Variants in AP4E1 observed in about 807,000 individuals in gnomAD.
AP4E1 encodes adaptor related protein complex 4 subunit epsilon 1.
Under a neutral mutation model 128.2 loss-of-function variants are expected in AP4E1, and 56 were observed. The observed-to-expected ratio is 0.44, with a 90% CI of 0.35 to 0.55. The LOEUF is 0.55. Among genes scored for constraint, AP4E1 ranks in the 20% least tolerant of loss-of-function variants. The probability of loss-of-function intolerance (pLI) is 0.00; values close to 1 mark genes in which losing one functional copy is unlikely to be tolerated. For missense variants in AP4E1, 1,324 were observed against 1,307.7 expected (o/e 1.01, Z -0.19); for synonymous variants, 484 against 473.1 (o/e 1.02, Z -0.30).
At chr15:50,976,747 G>A (rs2064557164) in intron 15 of AP4E1, among the ~76,000 whole-genome samples, 1 of 152,160 alleles carries the variant, frequency 6.6e-6, no homozygotes, top group Admixed American at 6.5e-5. Flanking sequence ...ATGTGACAAG[G>A]TTATTAGGAA....
In AP4E1 at chr15:51,003,977, C is replaced by G. The variant is rs544761680; in HGVS notation, c.*1315C>G. On this transcript the variant is annotated 3_prime_UTR_variant, in exon 21 of 21. Coordinates refer to ENST00000261842, the MANE Select transcript of AP4E1 (RefSeq NM_007347.5). Reference sequence around the variant, plus strand: ...AATAGATTTCATTAGTCATTTGTGTCGAGTATTCCTCCCTAAAAACAAAAG... The same window carrying G: ...AATAGATTTCATTAGTCATTTGTGTGGAGTATTCCTCCCTAAAAACAAAAG... 3.9e-5 allele frequency: 6 copies of G among 152,314 alleles called. No homozygotes were observed. The South Asian group carries it at 8.3e-4, about 21-fold the overall frequency. The allele number at this position is 152,314 out of a possible 1,614,324, so 9.4% of individuals were successfully genotyped here. A position where few individuals can be genotyped will look rare whatever the true frequency, so the allele number is the denominator to read the frequency against.
At chr15:50,992,823 G>A (rs1213523391) in intron 16 of AP4E1, among the ~76,000 whole-genome samples, 1 of 152,130 alleles carries the variant, frequency 6.6e-6, no homozygotes, top group Non-Finnish European at 1.5e-5. Flanking sequence ...GTAAATTTAT[G>A]GGGAGCATGT....
At chr15:50,913,458 G>C (rs749677681) in intron 2 of AP4E1, among the ~76,000 whole-genome samples, 3 of 152,258 alleles carry the variant, frequency 2.0e-5, no homozygotes, top group Non-Finnish European at 2.9e-5. Flanking sequence ...GGAAGGCAGA[G>C]TTTGAAAGGA....
Position 50,949,885 on chromosome 15 carries a change from G to C in AP4E1, c.1376G>C (p.Gly459Ala), listed in dbSNP as rs1172773775. 1.9e-6 allele frequency: 3 copies of C among 1,613,826 alleles called. 1 individual carries two copies. The South Asian group carries it at 3.3e-5, about 18-fold the overall frequency. ...QTMNAVFSVG[G>A]DVMHPDIPNN... ...ATGAATGCTGTGTTTTCAGTAGGAGGAGATGTAATGCATCCTGATATTCCC... is the reference window on the plus strand; with the variant it reads ...ATGAATGCTGTGTTTTCAGTAGGAGCAGATGTAATGCATCCTGATATTCCC... Residue 459 changes from glycine (G) to alanine (A), a missense_variant, in exon 12 of 21, where the codon GGA becomes GCA. Gly to Ala is a moderately conservative substitution (Grantham distance 60). Coordinates refer to ENST00000261842, the MANE Select transcript of AP4E1 (RefSeq NM_007347.5).
At chr15:50,995,811 A>G (rs2064861189) in intron 17 of AP4E1, among the ~76,000 whole-genome samples, 2 of 151,752 alleles carry the variant, frequency 1.3e-5, no homozygotes, top group African/African-American at 2.4e-5. Context: ...ATAATAACAG[A>G]TTGACAATGC....
intron 10 of AP4E1, among the ~76,000 whole-genome samples, chr15:50,943,018 A>G (rs1159545322): frequency 1.3e-5 from 2 of 152,196 alleles, no homozygotes; most frequent in East Asian, 3.9e-4. Context: ...CTGGGTAGGT[A>G]GTTTTTCAAC....
rs980685518 is a variant in AP4E1, at chr15:51,004,496, G to C, written c.*1834G>C. 2.6e-5 allele frequency: 4 copies of C among 152,332 alleles called. No homozygotes were observed. The highest frequency in any genetic ancestry group is 5.9e-5 in the Non-Finnish European group (4 of 68,054). 9.4% of individuals were successfully genotyped at this position (152,332 alleles called of 1,614,324 possible). ...AGCTACCAGGGAGATCTGTTGCTTG[G>C]TTACAGGGTGTATTCATGAGTGGTA... is the stretch of plus-strand genomic sequence containing the variant. On this transcript the variant is annotated 3_prime_UTR_variant, in exon 21 of 21. Coordinates refer to ENST00000261842, the MANE Select transcript of AP4E1 (RefSeq NM_007347.5).
intron 5 of AP4E1, among the ~76,000 whole-genome samples, chr15:50,928,450 G>A (rs930447970): frequency 2.6e-5 from 4 of 152,032 alleles, no homozygotes; most frequent in African/African-American, 9.7e-5. Flanking sequence ...ACCACACCTG[G>A]CTAATTTTTG....
At chr15:50,997,304 T>C (rs1469976161) in intron 17 of AP4E1, 22 bp from the exon 18 acceptor site, 14 of 1,557,214 alleles carry the variant, frequency 9.0e-6, no homozygotes, top group African/African-American at 8.4e-5. Flanking sequence ...TCTTTTTATA[T>C]TATTATGTTT....
intron 13 of AP4E1, among the ~76,000 whole-genome samples, chr15:50,956,566 A>G (rs940001484): frequency 6.6e-6 from 1 of 152,176 alleles, no homozygotes. Flanking sequence ...AAATCAAGGC[A>G]GAAGGCACCT....
chr15:50,962,882 T>A, intron 14 of AP4E1, among the ~76,000 whole-genome samples: 1 of 57,010 alleles, frequency 1.8e-5, no homozygotes, highest in African/African-American at 1.2e-4. Flanking sequence ...GGAACTCAAT[T>A]CAACAGCAAA....
intron 1 of AP4E1, among the ~76,000 whole-genome samples, chr15:50,910,589 C>T (rs1388529080): frequency 6.6e-6 from 1 of 152,196 alleles, no homozygotes; most frequent in Non-Finnish European, 1.5e-5. Context: ...TTTGGCAGCT[C>T]TAATAAGTTG....
rs1420857834 is a variant in AP4E1 at position 50,929,086 on chromosome 15, A to G, written c.620A>G (p.His207Arg). 5 of 1,613,884 alleles carry G rather than the reference A, an allele frequency of 3.1e-6. No homozygotes were observed. Among genetic ancestry groups the G allele is most frequent in the East Asian group, 2.2e-5 (1 of 44,802 alleles). The change falls in exon 6 of 21, where the codon CAT becomes CGT. Residue 207 changes from histidine to arginine, a missense_variant. By Grantham distance (29) the His-to-Arg change is conservative. Transcript: ENST00000261842. The stretch of plus-strand genomic sequence containing the variant: ...GCTCCTAATCAAGTACAACATATTC[A>G]TATTAAGTTTCGGAAAGCACTTTGT... Reference protein sequence around the residue: ...LIAPNQVQHIHIKFRKALCDR... With the variant: ...LIAPNQVQHIRIKFRKALCDR...
At chr15:50,949,727 A>C (rs1483164931) in intron 11 of AP4E1, 99 bp from the exon 12 acceptor site, 10 of 912,168 alleles carry the variant, frequency 1.1e-5, no homozygotes, top group Non-Finnish European at 1.6e-5. Context: ...AAACTGCCAT[A>C]CTAGGATGAA....
Position 51,002,921 on chromosome 15 carries a change from A to G in AP4E1, c.*259A>G, listed in dbSNP as rs1274273251. Reference sequence around the variant, plus strand: ...ATGTTATAAACTGCTAATGATTTATATATCACTTAGTGTGTAGAGGGACTG... The same window carrying G: ...ATGTTATAAACTGCTAATGATTTATGTATCACTTAGTGTGTAGAGGGACTG... On this transcript the variant is annotated 3_prime_UTR_variant, in exon 21 of 21. Transcript: ENST00000261842. 11 of 444,350 alleles carry G rather than the reference A, an allele frequency of 2.5e-5. No individual in the cohort carries two copies. Among genetic ancestry groups the G allele is most frequent in the Non-Finnish European group, 4.6e-5 (11 of 240,862 alleles). The allele number at this position is 444,350 out of a possible 1,614,324, so 27.5% of individuals were successfully genotyped here. A position where few individuals can be genotyped will look rare whatever the true frequency, so the allele number is the denominator to read the frequency against.
intron 14 of AP4E1, among the ~76,000 whole-genome samples, chr15:50,965,093 C>G (rs2064372047): frequency 6.6e-6 from 1 of 152,082 alleles, no homozygotes; most frequent in Non-Finnish European, 1.5e-5. Flanking sequence ...AAGAGCTGAA[C>G]AGATGCCGGT....
intron 3 of AP4E1, among the ~76,000 whole-genome samples, chr15:50,920,378 G>A (rs918413844): frequency 1.3e-5 from 2 of 151,212 alleles, no homozygotes; most frequent in Admixed American, 6.6e-5. Context: ...CTCCCAAAGT[G>A]CTGGGATTAC....
Position 50,997,642 on chromosome 15 carries a change from C to T in AP4E1, c.2663C>T (p.Pro888Leu). The T allele has an allele frequency of 1.2e-6, 2 of 1,614,036 alleles. No homozygotes were observed. Among genetic ancestry groups the T allele is most frequent in the Non-Finnish European group, 1.7e-6 (2 of 1,179,994 alleles). Residue 888 changes from proline to leucine, a missense_variant, in exon 18 of 21, where the codon CCT (proline) becomes CTT (leucine). Transcript: ENST00000261842. ...FANNNMEIFH[P>L]PQSTAASVAK... ...AATAACAACATGGAAATTTTTCACC[C>T]TCCTCAATCTACTGCAGCCTCAGTT...
Position 50,930,985 on chromosome 15 carries a change from A to G in AP4E1, c.869+14A>G. ...AGATGATCAAAGGTAAACTATTTTC[A>G]GTAAGTTTGCTTAATGACCCCCATA... is the stretch of plus-strand genomic sequence containing the variant. On this transcript the variant is annotated intron_variant, in intron 7 of 20. Coordinates refer to ENST00000261842, the MANE Select transcript of AP4E1 (RefSeq NM_007347.5). The G allele has an allele frequency of 5.6e-6, 9 of 1,614,050 alleles. No individual in the cohort carries two copies. The highest frequency in any genetic ancestry group is 7.6e-6 in the Non-Finnish European group (9 of 1,179,958).
Sources: allele counts gnomAD v4.1 joint callset (sites outside exome capture counted in the v4.1 genomes callset), GRCh38; gene constraint gnomAD v4.1.1; transcripts MANE v1.5; gene names NCBI Gene and HGNC (gene_info 2026-07-23, HGNC 2026-07-21).